The following LAMA3 variants were observed in gnomAD, a reference collection of about 807,000 sequenced individuals.
LAMA3 encodes laminin subunit alpha-3.
A neutral mutation model predicts 402.0 loss-of-function variants in LAMA3; 281 were observed. The ratio of observed to expected loss-of-function variants is 0.70; its 90% CI spans 0.63 to 0.77. LAMA3 has a LOEUF of 0.77. Among genes scored for constraint, LAMA3 ranks in the 30% least tolerant of loss-of-function variants. The pLI, the probability that LAMA3 is intolerant of heterozygous loss-of-function variation, is 0.00. For synonymous variants in LAMA3, 1,431 were observed against 1,558.4 expected (o/e 0.92, Z 1.93); for missense variants, 3,840 against 4,215.5 (o/e 0.91, Z 2.47).
intron 12 of LAMA3, among the ~76,000 whole-genome samples, chr18:23,803,952 G>A (rs1181911886): frequency 6.6e-6 from 1 of 152,164 alleles, no homozygotes; most frequent in African/African-American, 2.4e-5. Context: ...AGGCTGCTTG[G>A]ATCCAATCTT....
Position 23,871,676 on chromosome 18 carries a change from C to T in LAMA3, c.4998+15C>T, listed in dbSNP as rs759762304. On this transcript the variant is annotated intron_variant, in intron 38 of 74. Transcript: ENST00000313654. ...ACTCTTGTCAGGTAGGAAGTTTTCCCATCCGCAACATTTCCCTAGGGAGCT... is the reference window on the plus strand; with the variant it reads ...ACTCTTGTCAGGTAGGAAGTTTTCCTATCCGCAACATTTCCCTAGGGAGCT... 1.4e-5 allele frequency: 22 copies of T among 1,573,782 alleles called. No individual in the cohort carries two copies. In the Admixed American group the frequency reaches 3.0e-4, roughly 21 times the overall value.
intron 62 of LAMA3, among the ~76,000 whole-genome samples, chr18:23,927,106 G>C (rs1415221913): frequency 6.6e-6 from 1 of 152,212 alleles, no homozygotes; most frequent in African/African-American, 2.4e-5. Flanking sequence ...AACACCTGCT[G>C]AGCATTCACG....
intron 2 of LAMA3, among the ~76,000 whole-genome samples, chr18:23,737,891 CAGAGGGA>C (rs2061501540): frequency 6.6e-6 from 1 of 152,198 alleles, no homozygotes. Flanking sequence ...GACAACTACC[CAGAGGGA>C]CCGCTCAGCG....
intron 49 of LAMA3, 43 bp downstream of exon 49, chr18:23,903,168 T>C: frequency 8.3e-7 from 1 of 1,204,712 alleles, no homozygotes; most frequent in Non-Finnish European, 1.2e-6. Context: ...AAAAACATTT[T>C]AATTATATTG....
At chr18:23,863,295 A>G (rs1384563689) in intron 35 of LAMA3, among the ~76,000 whole-genome samples, 2 of 152,192 alleles carry the variant, frequency 1.3e-5, no homozygotes. Flanking sequence ...AAATACAAAA[A>G]TTAGCTGGGC....
chr18:23,892,002 G>A (rs753901313), intron 42 of LAMA3, among the ~76,000 whole-genome samples: 7 of 152,248 alleles, frequency 4.6e-5, no homozygotes, highest in Non-Finnish European at 7.3e-5. Flanking sequence ...AGCTGGAAAG[G>A]ACATGTTTGT....
At chr18:23,695,518 G>A (rs1002014123) in intron 1 of LAMA3, among the ~76,000 whole-genome samples, 47 of 152,092 alleles carry the variant, frequency 3.1e-4, no homozygotes, top group African/African-American at 9.4e-4. Flanking sequence ...TAGAGATCAC[G>A]CACATTATGA....
intron 73 of LAMA3, 136 bp downstream of exon 73, chr18:23,951,913 C>A: frequency 1.4e-6 from 1 of 698,390 alleles, no homozygotes. Flanking sequence ...CTAACGTGTC[C>A]ATTCACAACC....
chr18:23,835,997 C>A (rs1210041524), intron 24 of LAMA3, among the ~76,000 whole-genome samples: 1 of 152,024 alleles, frequency 6.6e-6, no homozygotes, highest in African/African-American at 2.4e-5. Context: ...TACTGTTAGG[C>A]TATTTCTTAG....
chr18:23,740,992 C>T (rs1366030086), intron 2 of LAMA3, among the ~76,000 whole-genome samples: 2 of 150,956 alleles, frequency 1.3e-5, no homozygotes, highest in African/African-American at 2.4e-5. Flanking sequence ...CTCACTCTGT[C>T]GCCCAGGCTG....
chr18:23,867,864 A>G lies in LAMA3; in HGVS notation c.4714A>G (p.Thr1572Ala). 6.2e-7 allele frequency: 1 copy of G among 1,614,118 alleles called. No homozygotes were observed. Among genetic ancestry groups the G allele is most frequent in the Non-Finnish European group, 8.5e-7 (1 of 1,179,988 alleles). The change falls in exon 37 of 75, where the codon ACA (threonine) becomes GCA (alanine). Residue 1572 changes from threonine to alanine, a missense_variant. Coordinates refer to ENST00000313654, the MANE Select transcript of LAMA3 (RefSeq NM_198129.4). The stretch of plus-strand genomic sequence containing the variant: ...GCACATGTCCATCATCTATGAGGAG[A>G]CAAACACCCCACGGCCAGACCGGCT... The part of the protein sequence containing the change: ...GQHMSIIYEE[T>A]NTPRPDRLHH...
intron 2 of LAMA3, among the ~76,000 whole-genome samples, chr18:23,732,709 G>T (rs1475100680): frequency 1.3e-5 from 2 of 151,946 alleles, no homozygotes; most frequent in Non-Finnish European, 2.9e-5. Flanking sequence ...ACAGATGTAG[G>T]TTTACATCCT....
intron 51 of LAMA3, 67 bp downstream of exon 51, chr18:23,904,761 C>G: frequency 6.6e-7 from 1 of 1,505,816 alleles, no homozygotes. Flanking sequence ...TATTTTCTTT[C>G]CGTGGGCTCC....
At chr18:23,894,416 A>G in intron 43 of LAMA3, 68 bp downstream of exon 43, 1 of 1,307,452 alleles carries the variant, frequency 7.6e-7, no homozygotes, top group Non-Finnish European at 1.1e-6. Flanking sequence ...TGTGAGCACC[A>G]TGCTGGGTCA....
At chr18:23,784,824 A>T (rs1001443696) in intron 12 of LAMA3, among the ~76,000 whole-genome samples, 6 of 152,204 alleles carry the variant, frequency 3.9e-5, no homozygotes, top group African/African-American at 1.4e-4. Context: ...GTCTGACATT[A>T]TTCTTCTTTC....
At chr18:23,815,407 T>C (rs905604725) in intron 16 of LAMA3, 61 bp from the exon 17 acceptor site, 3 of 1,485,238 alleles carry the variant, frequency 2.0e-6, no homozygotes, top group Non-Finnish European at 2.8e-6. Context: ...GTTTTCAATC[T>C]TGAAGATTAG....
intron 7 of LAMA3, among the ~76,000 whole-genome samples, 165 bp downstream of exon 7, chr18:23,758,676 C>T (rs1390688618): frequency 6.6e-6 from 1 of 152,240 alleles, no homozygotes; most frequent in Non-Finnish European, 1.5e-5. Context: ...GAAAAGTGCC[C>T]TCCTCTGAAT....
chr18:23,856,515 C>T (rs939668762), intron 32 of LAMA3, among the ~76,000 whole-genome samples: 6 of 152,220 alleles, frequency 3.9e-5, no homozygotes, highest in African/African-American at 1.4e-4. Context: ...GCGGCACTTT[C>T]TCTTCCCCTC....
rs768139693 is a variant in LAMA3 at position 23,901,173 on chromosome 18, C to T, written c.6051C>T (p.Asn2017=). Residue 2017 remains asparagine, a synonymous_variant, in exon 48 of 75, where the codon AAC becomes AAT. Transcript: ENST00000313654. ...GGCAGAAAACCCACCAGGGGGAGAA[C>T]AATGGGCTTGCTAACAGTATCCGGG... ...RTWQKTHQGE[N]NGLANSIRDS... 1 of 1,614,156 alleles carries T rather than the reference C, an allele frequency of 6.2e-7. No individual in the cohort carries two copies. Among genetic ancestry groups the T allele is most frequent in the Non-Finnish European group, 8.5e-7 (1 of 1,180,022 alleles).
Sources: gnomAD v4.1 joint callset for allele counts (sites outside exome capture counted in the v4.1 genomes callset) on GRCh38, gnomAD v4.1.1 for gene constraint, MANE v1.5 for transcripts, NCBI Gene and HGNC (gene_info 2026-07-23, HGNC 2026-07-21) for gene names.